The following PTPRD variants were observed in gnomAD, a reference collection of about 807,000 sequenced individuals.
The protein encoded by PTPRD is receptor-type tyrosine-protein phosphatase delta.
Under a neutral mutation model 214.5 loss-of-function variants are expected in PTPRD, and 34 were observed. The ratio of observed to expected loss-of-function variants is 0.16; its 90% CI spans 0.12 to 0.21. The LOEUF is 0.21. PTPRD is among the 10% of genes least tolerant of loss of function. The pLI, the probability that PTPRD is intolerant of heterozygous loss-of-function variation, is 1.00. For missense variants in PTPRD, 2,545 were observed against 2,398.7 expected (o/e 1.06, Z -1.27); for synonymous variants, 1,128 against 845.7 (o/e 1.33, Z -5.79).
At chr9:9,720,097 G>A (rs527512625) in intron 7 of PTPRD, among the ~76,000 whole-genome samples, 1 of 152,164 alleles carries the variant, frequency 6.6e-6, no homozygotes, top group Non-Finnish European at 1.5e-5. Context: ...GCAGGCATGA[G>A]CAAAACTCAA....
At chr9:10,103,395 T>TATATATATATATGTATATGTA (rs34926923) in intron 3 of PTPRD, among the ~76,000 whole-genome samples, 1 of 116,698 alleles carries the variant, frequency 8.6e-6, no homozygotes, top group South Asian at 2.6e-4. Flanking sequence ...ATATATATAT[T>TATATATATATATGTATATGTA]TATTTAAGAG....
chr9:8,579,574 A>C (rs568291352), intron 14 of PTPRD, among the ~76,000 whole-genome samples: 1 of 152,320 alleles, frequency 6.6e-6, no homozygotes, highest in South Asian at 2.1e-4. Context: ...CCTGTCATAA[A>C]AGAAGTCACA....
chr9:9,191,669 T>A (rs1405675119), intron 9 of PTPRD, among the ~76,000 whole-genome samples: 1 of 152,114 alleles, frequency 6.6e-6, no homozygotes, highest in Non-Finnish European at 1.5e-5. Flanking sequence ...GCTGTAACTC[T>A]TTATTTATTG....
chr9:9,974,730 C>T (rs1220248740), intron 4 of PTPRD, among the ~76,000 whole-genome samples: 2 of 152,106 alleles, frequency 1.3e-5, no homozygotes, highest in Admixed American at 1.3e-4. Flanking sequence ...AGACTGTGAG[C>T]TCTTTGAGGA....
intron 3 of PTPRD, among the ~76,000 whole-genome samples, chr9:10,128,604 C>A (rs780123621): frequency 6.6e-6 from 1 of 152,088 alleles, no homozygotes; most frequent in African/African-American, 2.4e-5. Context: ...TTTAAGCCAC[C>A]CATATTGTGG....
In PTPRD at chr9:8,517,992, T is replaced by C; in HGVS notation, c.1399A>G (p.Met467Val). The change falls in exon 21 of 46, where the codon ATG (methionine) becomes GTG (valine). Residue 467 changes from methionine (M) to valine (V), a missense_variant. Met to Val is a conservative substitution (Grantham distance 21). Coordinates refer to ENST00000381196, the MANE Select transcript of PTPRD (RefSeq NM_002839.4). ...TGGCTGTCAGCTACATTGTGTTTCA[T>C]CCAGTTGTTGACATGTTGAGTGGGA... is the stretch of plus-strand genomic sequence containing the variant. Reference protein sequence around the residue: ...MDPTQHVNNWMKHNVADSQIT... With the variant: ...MDPTQHVNNWVKHNVADSQIT... 3 of 1,614,212 alleles carry C rather than the reference T, an allele frequency of 1.9e-6. No individual in the cohort carries two copies. Among genetic ancestry groups the C allele is most frequent in the Non-Finnish European group, 1.7e-6 (2 of 1,180,016 alleles).
At chr9:9,659,695 A>G (rs1160576270) in intron 7 of PTPRD, among the ~76,000 whole-genome samples, 2 of 152,096 alleles carry the variant, frequency 1.3e-5, no homozygotes, top group African/African-American at 2.4e-5. Flanking sequence ...AAAGTCACTA[A>G]AAGGGAAAAT....
intron 14 of PTPRD, among the ~76,000 whole-genome samples, chr9:8,558,688 T>C (rs907242759): frequency 3.3e-5 from 5 of 152,208 alleles, no homozygotes; most frequent in African/African-American, 1.2e-4. Flanking sequence ...AAAATGTCTA[T>C]TATTTTAGGT....
chr9:10,488,164 G>A (rs1365242262), intron 2 of PTPRD, among the ~76,000 whole-genome samples: 4 of 151,734 alleles, frequency 2.6e-5, no homozygotes, highest in Non-Finnish European at 4.4e-5. Context: ...TCAGGAGATC[G>A]AGACCATCCT....
At chr9:9,347,418 A>G (rs1282984650) in intron 9 of PTPRD, among the ~76,000 whole-genome samples, 2 of 151,816 alleles carry the variant, frequency 1.3e-5, no homozygotes, top group Non-Finnish European at 2.9e-5. Context: ...AATGAAGAAT[A>G]ACAATTTCTG....
intron 4 of PTPRD, among the ~76,000 whole-genome samples, chr9:9,988,252 CA>C (rs1394530285): frequency 6.6e-6 from 1 of 152,062 alleles, no homozygotes; most frequent in Non-Finnish European, 1.5e-5. Flanking sequence ...ACATATTGAT[CA>C]GTTTTCAAAA....
At chr9:10,216,692 A>T (rs952525167) in intron 3 of PTPRD, among the ~76,000 whole-genome samples, 1 of 152,046 alleles carries the variant, frequency 6.6e-6, no homozygotes, top group Non-Finnish European at 1.5e-5. Context: ...TTCACAATAG[A>T]GCTCTCTTGA....
chr9:10,412,775 C>G (rs2098450431), intron 2 of PTPRD, among the ~76,000 whole-genome samples: 1 of 151,906 alleles, frequency 6.6e-6, no homozygotes, highest in East Asian at 2.0e-4. Flanking sequence ...ATCAAGTAGG[C>G]TTCATCTCCA....
intron 4 of PTPRD, among the ~76,000 whole-genome samples, chr9:9,954,316 A>AACAAAC (rs763041665): frequency 1.9e-4 from 28 of 150,150 alleles, no homozygotes; most frequent in Non-Finnish European, 3.7e-4. Context: ...AAAAAAAAAA[A>AACAAAC]AAAAAAAAGA....
chr9:8,661,795 A>ATGCAG (rs2097060337), intron 12 of PTPRD, among the ~76,000 whole-genome samples: 1 of 152,252 alleles, frequency 6.6e-6, no homozygotes, highest in Admixed American at 6.5e-5. Context: ...CTATGCAGTT[A>ATGCAG]TAGTAAAGTA....
In PTPRD at chr9:9,665,777, C is replaced by T. The variant is rs115497752; in HGVS notation, c.-287+68756G>A. Among the ~76,000 whole-genome samples, 1,104 of 151,886 alleles carry T rather than the reference C, an allele frequency of 7.3e-3. 10 individuals are homozygous for T. Among genetic ancestry groups the T allele is most frequent in the Middle Eastern group, 0.014 (4 of 294 alleles). On this transcript the variant is annotated intron_variant, in intron 7 of 45. Coordinates refer to ENST00000381196, the MANE Select transcript of PTPRD (RefSeq NM_002839.4). ...CTTCAAAATGAGATTGATGTTTTAA[C>T]GTAACACTCCCTTCACAGTACTGAG...
intron 34 of PTPRD, among the ~76,000 whole-genome samples, chr9:8,443,366 T>C (rs564867103): frequency 1.5e-4 from 23 of 152,370 alleles, no homozygotes; most frequent in East Asian, 9.6e-4. Context: ...CTTGTTAGCA[T>C]TGATCCAATT....
At chr9:9,514,153 A>G (rs1377746888) in intron 8 of PTPRD, among the ~76,000 whole-genome samples, 1 of 152,080 alleles carries the variant, frequency 6.6e-6, no homozygotes, top group Non-Finnish European at 1.5e-5. Flanking sequence ...GATGACAGAA[A>G]CAGACATGCA....
rs574546306 is a variant in PTPRD at position 8,857,369 on chromosome 9, T to C, written c.-103-123423A>G. On this transcript the variant is annotated intron_variant, in intron 11 of 45. Coordinates refer to ENST00000381196, the MANE Select transcript of PTPRD (RefSeq NM_002839.4). ...AGAGCGGGGGTCGCACAAATACACA[T>C]ACCCGGACACCCCCATTCTCTAGAG... is the stretch of plus-strand genomic sequence containing the variant. 2.6e-5 allele frequency among the ~76,000 whole-genome samples: 4 copies of C among 151,960 alleles called. No individual in the cohort carries two copies. In the South Asian group the frequency reaches 8.3e-4, roughly 32 times the overall value.
Sources: gnomAD v4.1 joint callset for allele counts (sites outside exome capture counted in the v4.1 genomes callset) on GRCh38, gnomAD v4.1.1 for gene constraint, MANE v1.5 for transcripts, NCBI Gene and HGNC (gene_info 2026-07-23, HGNC 2026-07-21) for gene names.